CR1: variants seen among roughly 807,000 people sequenced by gnomAD.
The protein encoded by CR1 is complement receptor type 1.
CR1 carries 116 observed loss-of-function variants against 187.3 expected under a neutral mutation model. The observed-to-expected ratio is 0.62, with a 90% CI of 0.53 to 0.72. The LOEUF is 0.72. Ranked by LOEUF, CR1 falls within the 30% of genes least tolerant of loss-of-function variation. CR1 has a pLI of 0.00. For synonymous variants in CR1, 576 were observed against 747.1 expected (o/e 0.77, Z 3.73); for missense variants, 1,731 against 2,110.7 (o/e 0.82, Z 3.52).
intron 4 of CR1, among the ~76,000 whole-genome samples, chr1:207,512,908 C>T (rs769195604): frequency 5.7e-4 from 87 of 152,210 alleles, no homozygotes; most frequent in Non-Finnish European, 1.2e-3. Context: ...TAAATGGCCT[C>T]AAGTCTTCTT....
chr1:207,567,756 C>A, intron 24 of CR1, 68 bp from the exon 25 acceptor site: 1 of 1,594,538 alleles, frequency 6.3e-7, no homozygotes, highest in Non-Finnish European at 8.6e-7. Context: ...AATCATAGCA[C>A]CCTGTAATTG....
intron 44 of CR1, among the ~76,000 whole-genome samples, chr1:207,622,720 G>A (rs61822977): frequency 0.48 from 73,415 of 152,108 alleles, 20,390 homozygotes; most frequent in Non-Finnish European, 0.62. Context: ...TGGAGAGCTG[G>A]TGGCCAGCTG....
At chr1:207,508,503 T>C (rs1279817426) in intron 3 of CR1, among the ~76,000 whole-genome samples, 3 of 152,198 alleles carry the variant, frequency 2.0e-5, no homozygotes, top group Non-Finnish European at 1.5e-5. Flanking sequence ...CATAAATACA[T>C]GGGCATATGT....
intron 35 of CR1, chr1:207,600,590 CA>C (rs1310265399): frequency 6.6e-6 from 1 of 152,078 alleles, no homozygotes; most frequent in Non-Finnish European, 1.5e-5. Context: ...AGATCTTGAT[CA>C]AAGAGAAATT....
At chr1:207,581,187 C>CATGGACACGTATATGTAGATGTATACAT (rs1660927959) in intron 31 of CR1, among the ~76,000 whole-genome samples, 2 of 136,266 alleles carry the variant, frequency 1.5e-5, no homozygotes, top group African/African-American at 6.9e-5. Flanking sequence ...TATGTGTATA[C>CATGGACACGTATATGTAGATGTATACAT]ATGGACACGT....
chr1:207,616,622 G>T lies in CR1; in HGVS notation c.6709G>T (p.Gly2237Ter). ...PPAILNGRHT[G>*]TPFGDIPYGK... ...AGCTATCCTTAATGGGAGACACACA[G>T]GAACTCCCTTTGGAGATATTCCCTA... Residue 2237 changes from glycine (G) to a stop codon, truncating the protein, a stop_gained, in exon 41 of 47, where the codon GGA becomes TGA. Transcript: ENST00000367049. LOFTEE classifies it high-confidence loss of function. 6.2e-7 allele frequency: 1 copy of T among 1,613,714 alleles called. No individual in the cohort carries two copies. The highest frequency in any genetic ancestry group is 1.1e-5 in the South Asian group (1 of 91,072).
At chr1:207,526,589 G>A (rs1660180145) in intron 5 of CR1, among the ~76,000 whole-genome samples, 164 bp from the exon 6 acceptor site, 1 of 151,324 alleles carries the variant, frequency 6.6e-6, no homozygotes. Flanking sequence ...CTGATGGCAA[G>A]ACATCTTCCT....
chr1:207,618,034 T>C (rs55773708), intron 41 of CR1, 37 bp from the exon 42 acceptor site: 1 of 1,595,324 alleles, frequency 6.3e-7, no homozygotes, highest in Non-Finnish European at 8.5e-7. Flanking sequence ...TTTAACTGAG[T>C]GTCTTTTCTT....
At chr1:207,510,821 T>C (rs546657951) in intron 3 of CR1, among the ~76,000 whole-genome samples, 44 of 143,612 alleles carry the variant, frequency 3.1e-4, no homozygotes, top group Admixed American at 3.0e-3. Context: ...CTTTCCTTTT[T>C]ACTTTCTTTT....
intron 4 of CR1, among the ~76,000 whole-genome samples, chr1:207,523,004 A>G (rs1036519841): frequency 1.3e-4 from 20 of 152,192 alleles, no homozygotes; most frequent in African/African-American, 4.6e-4. Flanking sequence ...TAAGCTTCAT[A>G]TCTTTTATAT....
intron 4 of CR1, among the ~76,000 whole-genome samples, chr1:207,515,125 G>A (rs1354495665): frequency 2.1e-4 from 21 of 101,692 alleles, no homozygotes; most frequent in African/African-American, 6.9e-4. Flanking sequence ...ATATACATAC[G>A]TACGTATATA....
At chr1:207,574,960 C>T (rs1245770674) in intron 27 of CR1, among the ~76,000 whole-genome samples, 4 of 151,992 alleles carry the variant, frequency 2.6e-5, no homozygotes, top group Non-Finnish European at 5.9e-5. Flanking sequence ...AGAAATAAGC[C>T]CCCTCATTTT....
chr1:207,503,609 G>A (rs887774158), intron 1 of CR1, among the ~76,000 whole-genome samples: 1 of 151,882 alleles, frequency 6.6e-6, no homozygotes, highest in African/African-American at 2.4e-5. Context: ...TCACCCTCTT[G>A]CCTCCCTTTT....
intron 43 of CR1, 90 bp downstream of exon 43, chr1:207,620,155 T>G: frequency 2.3e-6 from 3 of 1,303,446 alleles, no homozygotes; most frequent in Non-Finnish European, 3.2e-6. Flanking sequence ...TAGTGTGATG[T>G]TTATGGCATA....
At chr1:207,598,662 CCTGCCT>C (rs1014985917) in intron 35 of CR1, among the ~76,000 whole-genome samples, 1 of 152,194 alleles carries the variant, frequency 6.6e-6, no homozygotes, top group Non-Finnish European at 1.5e-5. Flanking sequence ...TCGTGATCTG[CCTGCCT>C]CGGCCTCCCA....
Position 207,563,864 on chromosome 1 carries a change from T to C in CR1, c.3587T>C (p.Val1196Ala), listed in dbSNP as rs1422063204. Residue 1196 changes from valine (V) to alanine (A), a missense_variant and splice_region_variant, in exon 22 of 47, where the codon GTA becomes GCA. Around this residue, in one of 5 missense-constraint regions of CR1, gnomAD observed 17 missense variants for 214.5 expected, o/e 0.08. Transcript: ENST00000367049. ...CTGTACTTTGTTTCTCTCTCCCCAG[T>C]ATGTCAGCCACCTCCAGATGTCCTG... ...WEPELPSCSR[V>A]CQPPPDVLHA... 6.9e-7 allele frequency: 1 copy of C among 1,456,986 alleles called. No individual in the cohort carries two copies. Among genetic ancestry groups the C allele is most frequent in the South Asian group, 1.3e-5 (1 of 77,478 alleles). 90.3% of individuals were successfully genotyped at this position (1,456,986 alleles called of 1,614,324 possible).
chr1:207,606,180 A>T (rs1384191070), intron 35 of CR1, among the ~76,000 whole-genome samples: 1 of 152,142 alleles, frequency 6.6e-6, no homozygotes, highest in East Asian at 1.9e-4. Flanking sequence ...CATGGTCTAA[A>T]CTCCAGCCAG....
intron 27 of CR1, among the ~76,000 whole-genome samples, 167 bp from the exon 28 acceptor site, chr1:207,575,428 T>C (rs1186916850): frequency 6.6e-6 from 1 of 152,160 alleles, no homozygotes; most frequent in Non-Finnish European, 1.5e-5. Context: ...CTTTCAATAA[T>C]GAAAGAATAA....
intron 27 of CR1, among the ~76,000 whole-genome samples, chr1:207,573,990 G>A (rs1660656915): frequency 6.6e-6 from 1 of 152,088 alleles, no homozygotes; most frequent in Non-Finnish European, 1.5e-5. Context: ...AAAATTAGCT[G>A]GGCATGGCAG....
Sources: gnomAD v4.1 joint callset for allele counts (sites outside exome capture counted in the v4.1 genomes callset) on GRCh38, gnomAD v4.1.1 for gene constraint, gnomAD v4.1.1 regional missense constraint, MANE v1.5 for transcripts, NCBI Gene and HGNC (gene_info 2026-07-23, HGNC 2026-07-21) for gene names.